The following USP31 variants were observed in gnomAD, a reference collection of about 807,000 sequenced individuals.
USP31 encodes the protein ubiquitin specific peptidase 31.
USP31 carries 44 observed loss-of-function variants against 119.4 expected under a neutral mutation model. That is an observed-to-expected ratio of 0.37 (90% CI 0.29 to 0.47). USP31 has a LOEUF of 0.47. Ranked by LOEUF, USP31 falls within the 20% of genes least tolerant of loss-of-function variation. The pLI is 0.99. For missense variants in USP31, 1,643 were observed against 1,730.2 expected (o/e 0.95, Z 0.89); for synonymous variants, 749 against 705.6 (o/e 1.06, Z -0.97).
At chr16:23,088,456 T>A (rs962047573) in intron 7 of USP31, among the ~76,000 whole-genome samples, 1 of 152,168 alleles carries the variant, frequency 6.6e-6, no homozygotes, top group Admixed American at 6.5e-5. Flanking sequence ...AGCACTGAGA[T>A]GTTTTTAGGG....
rs529937338 is a variant in USP31 at position 23,090,668 on chromosome 16, G to T, written c.1371C>A (p.Val457=). 1.2e-6 allele frequency: 2 copies of T among 1,613,988 alleles called. No homozygotes were observed. Among genetic ancestry groups the T allele is most frequent in the South Asian group, 2.2e-5 (2 of 91,058 alleles). The change falls in exon 7 of 16, where the codon GTC becomes GTA. Residue 457 remains valine, a synonymous_variant. Transcript: ENST00000219689. ...TGCAGGCTCGGTTACACACCAACAGGACAATCTTGTCGCTGCCTGCTCTTG... is the reference window on the plus strand; with the variant it reads ...TGCAGGCTCGGTTACACACCAACAGTACAATCTTGTCGCTGCCTGCTCTTG... The part of the protein sequence containing the change: ...PTSRAGSDKI[V]LLVCNRACTG...
Position 23,068,223 on chromosome 16 carries a change from G to A in USP31, c.3882C>T (p.Val1294=), listed in dbSNP as rs1242813527. The A allele has an allele frequency of 3.1e-6, 5 of 1,614,188 alleles. No homozygotes were observed. In the East Asian group the frequency reaches 1.1e-4, roughly 36 times the overall value. ...NANTTGKEQL[V]TKDPASAKHS... ...GTTTGGCAGAAGCAGGGTCCTTGGT[G>A]ACAAGCTGCTCTTTTCCCGTTGTAT... The change falls in exon 16 of 16, where the codon GTC becomes GTT. Residue 1294 remains valine, a synonymous_variant. Coordinates refer to ENST00000219689, the MANE Select transcript of USP31 (RefSeq NM_020718.4).
chr16:23,118,254 T>C (rs146375119), intron 1 of USP31, among the ~76,000 whole-genome samples: 7 of 152,264 alleles, frequency 4.6e-5, no homozygotes, highest in African/African-American at 1.7e-4. Context: ...TGCTATTATG[T>C]TAGTTTTGAA....
intron 1 of USP31, among the ~76,000 whole-genome samples, chr16:23,143,822 C>T (rs1903426787): frequency 6.6e-6 from 1 of 152,050 alleles, no homozygotes; most frequent in Admixed American, 6.5e-5. Context: ...CCAGTAGCAC[C>T]CTGATCCCAG....
chr16:23,075,896 G>T (rs1473538109), intron 13 of USP31, among the ~76,000 whole-genome samples: 2 of 152,126 alleles, frequency 1.3e-5, no homozygotes. Flanking sequence ...GACCAGTCTG[G>T]ACAACATAGT....
chr16:23,087,308 A>G (rs771567115), intron 8 of USP31, 122 bp from the exon 9 acceptor site: 39 of 776,102 alleles, frequency 5.0e-5, no homozygotes, highest in African/African-American at 1.4e-4. Context: ...ATGCTTCACT[A>G]TAAGATTCTA....
chr16:23,124,744 C>T (rs887238313), intron 1 of USP31, among the ~76,000 whole-genome samples: 20 of 152,028 alleles, frequency 1.3e-4, no homozygotes, highest in African/African-American at 4.8e-4. Context: ...CAAAAATTAG[C>T]CAGGTGTGGT....
chr16:23,123,257 G>C (rs1015909951), intron 1 of USP31, among the ~76,000 whole-genome samples: 2 of 152,270 alleles, frequency 1.3e-5, no homozygotes, highest in African/African-American at 4.8e-5. Context: ...TTGACATTAG[G>C]CTGGGCGCGG....
chr16:23,123,940 A>T (rs985671985), intron 1 of USP31, among the ~76,000 whole-genome samples: 6 of 152,072 alleles, frequency 3.9e-5, no homozygotes, highest in Non-Finnish European at 8.8e-5. Context: ...TAAAGGCTAC[A>T]GTGAGCCATG....
intron 4 of USP31, 102 bp from the exon 5 acceptor site, chr16:23,105,678 T>G (rs1219866232): frequency 1.6e-6 from 2 of 1,285,388 alleles, no homozygotes; most frequent in African/African-American, 3.1e-5. Flanking sequence ...AAACTAAAGC[T>G]AACCCACACT....
At chr16:23,146,523 A>G (rs1903511308) in intron 1 of USP31, among the ~76,000 whole-genome samples, 1 of 152,086 alleles carries the variant, frequency 6.6e-6, no homozygotes, top group African/African-American at 2.4e-5. Flanking sequence ...GTGAGACTCC[A>G]TCTCAAAAAT....
At chr16:23,135,165 A>G (rs1186976851) in intron 1 of USP31, among the ~76,000 whole-genome samples, 1 of 151,814 alleles carries the variant, frequency 6.6e-6, no homozygotes, top group Non-Finnish European at 1.5e-5. Flanking sequence ...ACACTCAACA[A>G]ATTGGGAATA....
At chr16:23,113,055 A>T (rs879845530) in intron 1 of USP31, among the ~76,000 whole-genome samples, 3 of 152,170 alleles carry the variant, frequency 2.0e-5, no homozygotes, top group Non-Finnish European at 4.4e-5. Context: ...TAATAAAAAA[A>T]ACATCATTAG....
intron 6 of USP31, 58 bp downstream of exon 6, chr16:23,102,261 T>C (rs557443320): frequency 1.3e-4 from 195 of 1,543,438 alleles, no homozygotes; most frequent in Middle Eastern, 1.7e-4. Context: ...ACTAAAAAGG[T>C]AGACTATAGT....
At chr16:23,096,597 G>A (rs941410094) in intron 6 of USP31, among the ~76,000 whole-genome samples, 3 of 152,166 alleles carry the variant, frequency 2.0e-5, no homozygotes, top group South Asian at 2.1e-4. Context: ...TGGAAGTAAA[G>A]CACTCCTCAG....
Position 23,148,922 on chromosome 16 carries a change from G to A in USP31, c.349C>T (p.Pro117Ser), listed in dbSNP as rs777677310. 3 of 1,309,038 alleles carry A rather than the reference G, an allele frequency of 2.3e-6. No individual in the cohort carries two copies. The highest frequency in any genetic ancestry group is 9.8e-7 in the Non-Finnish European group (1 of 1,023,074). 81.1% of individuals were successfully genotyped at this position (1,309,038 alleles called of 1,614,324 possible). ...CPPPPASPAP[P>S]ACAAEPVPGV... ...GGCACCGGCTCGGCGGCGCAAGCGG[G>A]CGGCGCGGGAGAGGCGGGCGGCGGC... The change falls in exon 1 of 16, where the codon CCC (proline) becomes TCC (serine). Residue 117 changes from proline to serine, a missense_variant. Pro to Ser is a moderately conservative substitution (Grantham distance 74). Coordinates refer to ENST00000219689, the MANE Select transcript of USP31 (RefSeq NM_020718.4).
rs1313643105 is a variant in USP31 at position 23,061,777 on chromosome 16, G to A, written c.*6269C>T. The A allele has an allele frequency of 1.3e-5, 2 of 152,494 alleles. No individual in the cohort carries two copies. Among genetic ancestry groups the A allele is most frequent in the Non-Finnish European group, 1.5e-5 (1 of 68,048 alleles). The allele number at this position is 152,494 out of a possible 1,614,324, so 9.4% of individuals were successfully genotyped here. ...CAAAGCACTTTGTGTACAGTGATGTGACATGCAGCTTTCAAGACAACTACA... is the reference window on the plus strand; with the variant it reads ...CAAAGCACTTTGTGTACAGTGATGTAACATGCAGCTTTCAAGACAACTACA... On this transcript the variant is annotated 3_prime_UTR_variant, in exon 16 of 16. Coordinates refer to ENST00000219689, the MANE Select transcript of USP31 (RefSeq NM_020718.4).
rs553416359 is a variant in USP31, at chr16:23,072,367, T to C, written c.2336-170A>G. Reference sequence around the variant, plus strand: ...GTGTCATGTCGTGCCTGTCCGAATATCCCCAGTTAAGATGAAAAGATGTAA... The same window carrying C: ...GTGTCATGTCGTGCCTGTCCGAATACCCCCAGTTAAGATGAAAAGATGTAA... On this transcript the variant is annotated intron_variant, in intron 14 of 15. Transcript: ENST00000219689. 1.8e-4 allele frequency: 153 copies of C among 848,128 alleles called. No homozygotes were observed. The African/African-American group carries it at 2.2e-3, about 12-fold the overall frequency. The allele number at this position is 848,128 out of a possible 1,614,324, so 52.5% of individuals were successfully genotyped here. A position where few individuals can be genotyped will look rare whatever the true frequency, so the allele number is the denominator to read the frequency against.
At chr16:23,122,536 GC>G (rs1209293422) in intron 1 of USP31, among the ~76,000 whole-genome samples, 5 of 152,080 alleles carry the variant, frequency 3.3e-5, no homozygotes, top group Non-Finnish European at 7.3e-5. Flanking sequence ...ATTTATAATA[GC>G]CAAAGTAGAA....
Sources: gnomAD v4.1 joint callset for allele counts (sites outside exome capture counted in the v4.1 genomes callset) on GRCh38, gnomAD v4.1.1 for gene constraint, MANE v1.5 for transcripts, NCBI Gene and HGNC (gene_info 2026-07-23, HGNC 2026-07-21) for gene names.